Variants in TENM1 observed in about 807,000 individuals in gnomAD.
TENM1 encodes teneurin-1.
TENM1 carries 35 observed loss-of-function variants against 174.8 expected under a neutral mutation model. The observed-to-expected ratio is 0.20, with a 90% confidence interval of 0.15 to 0.27. TENM1 has a LOEUF of 0.27. Ranked by LOEUF, TENM1 falls within the 10% of genes least tolerant of loss-of-function variation. The pLI is 1.00. For missense variants in TENM1, 1,633 were observed against 2,130.1 expected, an observed-to-expected ratio of 0.77 and a Z score of 4.59; for synonymous variants, 781 against 798.7, an observed-to-expected ratio of 0.98 and a Z score of 0.37.
In TENM1 at chrX:124,705,120, G is replaced by A. The variant is rs765596962; in HGVS notation, c.908C>T (p.Pro303Leu). 4 of 1,209,601 alleles carry A rather than the reference G, an allele frequency of 3.3e-6. No individual in the cohort carries two copies. In the African/African-American group the frequency reaches 5.3e-5, roughly 16 times the overall value. ...GTAAGGTTTGTTAAAGGTAAAGGCAGGTCGGGAAAAGGTGCTTCGAGGAAG... is the reference window on the plus strand; with the variant it reads ...GTAAGGTTTGTTAAAGGTAAAGGCAAGTCGGGAAAAGGTGCTTCGAGGAAG... Residue 303 changes from proline to leucine, a missense_variant, in exon 5 of 32, where the codon CCT becomes CTT. Around this residue, in one of 4 missense-constraint regions of TENM1, gnomAD observed 305 missense variants for 309.2 expected, o/e 0.99. Transcript: ENST00000422452.
intron 11 of TENM1, among the ~76,000 whole-genome samples, chrX:124,578,152 T>C (rs2049217607): frequency 9.0e-6 from 1 of 111,166 alleles, no homozygotes; most frequent in African/African-American, 3.3e-5. Flanking sequence ...GGTCTTGAAC[T>C]CCTGGGCTCA....
chrX:124,745,053 A>C (rs1022061416), intron 3 of TENM1, among the ~76,000 whole-genome samples: 1 of 112,045 alleles, frequency 8.9e-6, no homozygotes, highest in Non-Finnish European at 1.9e-5. Context: ...AAAAGGCAAA[A>C]ATTCTAGAGT....
chrX:124,730,198 G>C (rs1233042916), intron 4 of TENM1, among the ~76,000 whole-genome samples: 1 of 111,592 alleles, frequency 9.0e-6, no homozygotes. Context: ...AGCATGCTAA[G>C]AGAGGAAGTG....
chrX:124,517,285 C>T (rs750485575), intron 18 of TENM1, among the ~76,000 whole-genome samples: 1 of 110,722 alleles, frequency 9.0e-6, no homozygotes, highest in African/African-American at 3.3e-5. Context: ...TACACACATA[C>T]CCCTGAACTT....
intron 23 of TENM1, among the ~76,000 whole-genome samples, chrX:124,432,838 T>G (rs1415563468): frequency 8.9e-6 from 1 of 112,121 alleles, no homozygotes; most frequent in East Asian, 2.8e-4. Context: ...TAAGAGGAAG[T>G]GTGGAAGCAC....
chrX:125,066,274 T>C, the TENM1 span, among the ~76,000 whole-genome samples: 1 of 111,832 alleles, frequency 8.9e-6, no homozygotes, highest in Non-Finnish European at 1.9e-5. Flanking sequence ...AGTTTTTCTC[T>C]GAAATGCAGA....
chrX:124,991,188 TC>T, the TENM1 span, among the ~76,000 whole-genome samples: 1 of 111,242 alleles, frequency 9.0e-6, no homozygotes, highest in Non-Finnish European at 1.9e-5. Flanking sequence ...TAGATTTTAC[TC>T]TTACTTAGGA....
chrX:125,052,284 A>T, the TENM1 span, among the ~76,000 whole-genome samples: 1 of 111,531 alleles, frequency 9.0e-6, no homozygotes, highest in Non-Finnish European at 1.9e-5. Flanking sequence ...GACCAAAATC[A>T]CAGAAAATTG....
At chrX:124,397,405 TG>T (rs2060348453) in intron 27 of TENM1, among the ~76,000 whole-genome samples, 1 of 111,856 alleles carries the variant, frequency 8.9e-6, no homozygotes, top group Non-Finnish European at 1.9e-5. Flanking sequence ...GTGAATGTGC[TG>T]AACTCTGAGC....
At chrX:124,538,037 T>C (rs2048241415) in intron 15 of TENM1, among the ~76,000 whole-genome samples, 1 of 111,997 alleles carries the variant, frequency 8.9e-6, no homozygotes, top group African/African-American at 3.2e-5. Context: ...CCAAGAGCAT[T>C]TGCAAAGAAG....
chrX:125,166,426 C>T, the TENM1 span, among the ~76,000 whole-genome samples: 5,022 of 110,643 alleles, frequency 0.045, 290 homozygotes, highest in African/African-American at 0.16. Context: ...ACTTTTTCAC[C>T]GCCACACTGC....
the TENM1 span, among the ~76,000 whole-genome samples, chrX:124,970,477 A>T: frequency 8.9e-6 from 1 of 112,318 alleles, no homozygotes; most frequent in African/African-American, 3.2e-5. Flanking sequence ...ACATTAATGC[A>T]GATTGACTGA....
chrX:124,766,320 A>G (rs2054537929), intron 3 of TENM1, among the ~76,000 whole-genome samples: 1 of 111,877 alleles, frequency 8.9e-6, no homozygotes, highest in Non-Finnish European at 1.9e-5. Flanking sequence ...GGCTATGATC[A>G]ATTGATGGGT....
chrX:124,680,204 C>T (rs1466586390), intron 5 of TENM1, among the ~76,000 whole-genome samples: 2 of 111,166 alleles, frequency 1.8e-5, no homozygotes, highest in South Asian at 3.8e-4. Context: ...TGTTGCTCCA[C>T]GTGTTTGAAT....
At chrX:124,853,382 A>C (rs980307296) in intron 3 of TENM1, among the ~76,000 whole-genome samples, 2 of 111,247 alleles carry the variant, frequency 1.8e-5, no homozygotes, top group Non-Finnish European at 3.8e-5. Flanking sequence ...ATGAGGGAAT[A>C]GAGAGATTAA....
chrX:124,423,162 G>C (rs1359905860), intron 23 of TENM1, among the ~76,000 whole-genome samples: 1 of 112,232 alleles, frequency 8.9e-6, no homozygotes, highest in Non-Finnish European at 1.9e-5. Context: ...TGCCAGAGAA[G>C]CCAGATTTTA....
the TENM1 span, among the ~76,000 whole-genome samples, chrX:125,186,402 G>A: frequency 9.0e-6 from 1 of 110,689 alleles, no homozygotes; most frequent in East Asian, 2.8e-4. Flanking sequence ...ACTATGGTTT[G>A]GATATGGTTG....
chrX:124,565,223 C>A, intron 12 of TENM1, 152 bp downstream of exon 15: 1 of 350,828 alleles, frequency 2.9e-6, no homozygotes, highest in Non-Finnish European at 5.0e-6. Context: ...AGAAACCTAC[C>A]AGTTCACAAA....
the TENM1 span, among the ~76,000 whole-genome samples, chrX:124,994,183 A>T: frequency 2.0e-5 from 2 of 102,252 alleles, no homozygotes; most frequent in African/African-American, 3.6e-5. Flanking sequence ...TCATTAACTC[A>T]TGACACAATC....
Sources: allele counts gnomAD v4.1 joint callset (sites outside exome capture counted in the v4.1 genomes callset), GRCh38; gene constraint gnomAD v4.1.1; regional missense constraint gnomAD v4.1.1; transcripts MANE v1.5; gene names NCBI Gene and HGNC (gene_info 2026-07-23, HGNC 2026-07-21).